The following CYP26A1 variants were observed in gnomAD, a reference collection of about 807,000 sequenced individuals.
CYP26A1 encodes cytochrome P450 26A1.
A neutral mutation model predicts 47.4 loss-of-function variants in CYP26A1; 46 were observed. The ratio of observed to expected loss-of-function variants is 0.97; its 90% CI spans 0.77 to 1.24. The LOEUF (loss-of-function observed/expected upper bound fraction) is 1.24, where lower values mean the gene tolerates loss of function less well. Among genes scored for constraint, CYP26A1 ranks in the 50% most tolerant of loss-of-function variants. The probability of loss-of-function intolerance (pLI) is 0.00; values close to 1 mark genes in which losing one functional copy is unlikely to be tolerated. For synonymous variants in CYP26A1, 277 were observed against 263.7 expected (o/e 1.05, Z -0.49); for missense variants, 680 against 644.4 (o/e 1.06, Z -0.60).
chr10:93,074,533 G>A lies in CYP26A1; in HGVS notation c.414+1G>A, dbSNP rs535892041. 1 of 1,578,796 alleles carries A rather than the reference G, an allele frequency of 6.3e-7. No individual in the cohort carries two copies. The highest frequency in any genetic ancestry group is 2.2e-5 in the East Asian group (1 of 44,664). On this transcript the variant is annotated splice_donor_variant, in intron 2 of 6. Transcript: ENST00000224356. LOFTEE classifies it high-confidence loss of function. The surrounding 1 kb of genome is among the most constrained non-coding windows in gnomAD (Gnocchi z 5.3). ...CTCCTCGCACAAGCAGCGCAAGAAG[G>A]TGGGGGCAGGAGGCGACGGCTGGAC...
At chr10:93,076,272 C>T in intron 5 of CYP26A1, 1 of 303,770 alleles carries the variant, frequency 3.3e-6, no homozygotes, top group East Asian at 6.8e-5. Context: ...GTGTGAATAG[C>T]TGATTAGTGT....
At chr10:93,073,709 G>A, upstream of CYP26A1, 1 of 533,084 alleles carries the variant, frequency 1.9e-6, no homozygotes, top group Non-Finnish European at 3.3e-6. Context: ...AGCCGCCACC[G>A]CGCCGCCTCT....
chr10:93,077,447 T>A lies in CYP26A1; in HGVS notation c.*143T>A, dbSNP rs1328881656. 4.9e-6 allele frequency: 2 copies of A among 408,356 alleles called. No individual in the cohort carries two copies. Among genetic ancestry groups the A allele is most frequent in the African/African-American group, 4.1e-5 (2 of 48,774 alleles). The allele number at this position is 408,356 out of a possible 1,614,324, so 25.3% of individuals were successfully genotyped here. Reference sequence around the variant, plus strand: ...ACTATACTACCACAATCTTTAAATATTAAAATAATGAATTTGTATCATTTC... The same window carrying A: ...ACTATACTACCACAATCTTTAAATAATAAAATAATGAATTTGTATCATTTC... On this transcript the variant is annotated 3_prime_UTR_variant, in exon 7 of 7. Transcript: ENST00000224356.
In CYP26A1 at chr10:93,076,051, C is replaced by A. The variant is rs1177709325; in HGVS notation, c.999+91C>A. On this transcript the variant is annotated intron_variant, in intron 5 of 6. Coordinates refer to ENST00000224356, the MANE Select transcript of CYP26A1 (RefSeq NM_000783.4). ...TCCGAATAAGTCAGTGTGCTGCCTT[C>A]ATGGAGTATTTTGAAAGTGCAGGGC... 7.9e-6 allele frequency: 8 copies of A among 1,015,264 alleles called. No individual in the cohort carries two copies. In the East Asian group the frequency reaches 1.7e-4, roughly 21 times the overall value. The allele number at this position is 1,015,264 out of a possible 1,614,324, so 62.9% of individuals were successfully genotyped here.
At position 93,074,795 on chromosome 10, in the gene CYP26A1, T is replaced by C; in HGVS notation, c.431T>C (p.Phe144Ser). ...GGGACTCAGGTGATTATGCGGGCCT[T>C]CAGCCGCGAGGCACTCGAATGCTAC... ...KQRKKVIMRA[F>S]SREALECYVP... The change falls in exon 3 of 7, where the codon TTC becomes TCC. Residue 144 changes from phenylalanine to serine, a missense_variant. By Grantham distance (155) the Phe-to-Ser change is radical (BLOSUM62 -2). Transcript: ENST00000224356. The surrounding 1 kb of genome is among the most constrained non-coding windows in gnomAD (Gnocchi z 5.3). 1 of 1,605,608 alleles carries C rather than the reference T, an allele frequency of 6.2e-7. No homozygotes were observed. The highest frequency in any genetic ancestry group is 8.5e-7 in the Non-Finnish European group (1 of 1,179,474).
In CYP26A1 at chr10:93,076,813, T is replaced by A. The variant is rs558963052; in HGVS notation, c.1152+117T>A. The A allele has an allele frequency of 3.3e-4, 315 of 951,714 alleles. 2 individuals carry two copies. In the South Asian group the frequency reaches 4.6e-3, roughly 14 times the overall value. The allele number at this position is 951,714 out of a possible 1,614,324, so 59.0% of individuals were successfully genotyped here. On this transcript the variant is annotated intron_variant, in intron 6 of 6. Coordinates refer to ENST00000224356, the MANE Select transcript of CYP26A1 (RefSeq NM_000783.4). Reference sequence around the variant, plus strand: ...ATAATTGTTCTGCCCTATATGGAGATATGTTTCAGCAACCTGGATCCACCT... The same window carrying A: ...ATAATTGTTCTGCCCTATATGGAGAAATGTTTCAGCAACCTGGATCCACCT...
rs933110858 is a variant in CYP26A1 at position 93,077,673 on chromosome 10, C to A, written c.*369C>A. The A allele has an allele frequency of 1.3e-5, 2 of 155,122 alleles. No homozygotes were observed. Among genetic ancestry groups the A allele is most frequent in the Non-Finnish European group, 2.8e-5 (2 of 70,258 alleles). The allele number at this position is 155,122 out of a possible 1,614,324, so 9.6% of individuals were successfully genotyped here. On this transcript the variant is annotated 3_prime_UTR_variant, in exon 7 of 7. Coordinates refer to ENST00000224356, the MANE Select transcript of CYP26A1 (RefSeq NM_000783.4). ...TTAACAGTTATTAGAAAATATATGTCTGTGTGTGTTATTCCAGACGTATCT... is the reference window on the plus strand; with the variant it reads ...TTAACAGTTATTAGAAAATATATGTATGTGTGTGTTATTCCAGACGTATCT...
rs1846991555 is a variant in CYP26A1, at chr10:93,077,333, A to G, written c.*29A>G. 2.2e-6 allele frequency: 3 copies of G among 1,337,834 alleles called. No individual in the cohort carries two copies. The highest frequency in any genetic ancestry group is 3.0e-6 in the Non-Finnish European group (3 of 984,520). 82.9% of individuals were successfully genotyped at this position (1,337,834 alleles called of 1,614,324 possible). On this transcript the variant is annotated 3_prime_UTR_variant, in exon 7 of 7. Coordinates refer to ENST00000224356, the MANE Select transcript of CYP26A1 (RefSeq NM_000783.4). ...GCTTGAATGTTCAAACCTGAGACTT[A>G]TTGGAAGTGTACATATGAGTTTTTA...
chr10:93,074,902 GA>G lies in CYP26A1; in HGVS notation c.539del (p.Glu180GlyfsTer2). The G allele has an allele frequency of 6.2e-7, 1 of 1,613,192 alleles. No individual in the cohort carries two copies. The highest frequency in any genetic ancestry group is 8.5e-7 in the Non-Finnish European group (1 of 1,180,034). On this transcript the variant is annotated frameshift_variant, in exon 3 of 7. Transcript: ENST00000224356. LOFTEE classifies it high-confidence loss of function. The surrounding 1 kb of genome is among the most constrained non-coding windows in gnomAD (Gnocchi z 5.3). Reference sequence around the variant, plus strand: ...CGAGCGCGGCCTCCTGGTCTACCCCGAGGTGAAGCGCCTCATGTTCCGAATC... The same window carrying G: ...CGAGCGCGGCCTCCTGGTCTACCCCGGGTGAAGCGCCTCATGTTCCGAATC... ...CGERGLLVYP[E>X]VKRLMFRIAM...
At chr10:93,076,021 CA>C (rs1362883835) in intron 5 of CYP26A1, 61 bp downstream of exon 5, 1 of 1,365,178 alleles carries the variant, frequency 7.3e-7, no homozygotes, top group African/African-American at 1.4e-5. Flanking sequence ...GCTCCCTAGC[CA>C]ACTTCCGAAT....
rs558776097 is a variant in CYP26A1, at chr10:93,074,178, G to C, written c.189+55G>C. The C allele has an allele frequency of 6.6e-7, 1 of 1,521,092 alleles. No homozygotes were observed. Among genetic ancestry groups the C allele is most frequent in the Non-Finnish European group, 8.8e-7 (1 of 1,132,822 alleles). 94.2% of individuals were successfully genotyped at this position (1,521,092 alleles called of 1,614,324 possible). The stretch of plus-strand genomic sequence containing the variant: ...TTCCCCGGAGCCCGGCGCGGCTCTG[G>C]GCTTCTGCTGAAGTCGGGGTAGGCG... On this transcript the variant is annotated intron_variant, in intron 1 of 6. Coordinates refer to ENST00000224356, the MANE Select transcript of CYP26A1 (RefSeq NM_000783.4). The surrounding 1 kb of genome is among the most constrained non-coding windows in gnomAD (Gnocchi z 5.3).
rs151313962 is a variant in CYP26A1 at position 93,074,006 on chromosome 10, G to T, written c.72G>T (p.Ala24=). 3.1e-6 allele frequency: 5 copies of T among 1,594,396 alleles called. No homozygotes were observed. The highest frequency in any genetic ancestry group is 2.7e-5 in the African/African-American group (2 of 74,530). Residue 24 remains alanine (A), a synonymous_variant, in exon 1 of 7, where the codon GCG becomes GCT. Coordinates refer to ENST00000224356, the MANE Select transcript of CYP26A1 (RefSeq NM_000783.4). The surrounding 1 kb of genome is among the most constrained non-coding windows in gnomAD (Gnocchi z 5.3). The part of the protein sequence containing the change: ...FVLPLLLFLA[A]IKLWDLYCVS... ...TGCCGCTGCTGCTCTTCCTGGCTGC[G>T]ATCAAGCTCTGGGACCTGTACTGCG...
rs1331749296 is a variant in CYP26A1 at position 93,074,654 on chromosome 10, A to T, written c.414+122A>T. On this transcript the variant is annotated intron_variant, in intron 2 of 6. Coordinates refer to ENST00000224356, the MANE Select transcript of CYP26A1 (RefSeq NM_000783.4). The surrounding 1 kb of genome is among the most constrained non-coding windows in gnomAD (Gnocchi z 5.3). ...TGGGCTAGGACCCTCTGCCAGCTCC[A>T]GGTTAGCTTTCCCAGCTCGGAGAGT... The T allele has an allele frequency of 9.3e-7, 1 of 1,072,746 alleles. No homozygotes were observed. The allele number at this position is 1,072,746 out of a possible 1,614,324, so 66.5% of individuals were successfully genotyped here.
chr10:93,074,007 A>C lies in CYP26A1; in HGVS notation c.73A>C (p.Ile25Leu), dbSNP rs1846931696. 11 of 1,596,358 alleles carry C rather than the reference A, an allele frequency of 6.9e-6. No individual in the cohort carries two copies. The highest frequency in any genetic ancestry group is 9.4e-6 in the Non-Finnish European group (11 of 1,165,128). ...VLPLLLFLAA[I>L]KLWDLYCVSG... ...GCCGCTGCTGCTCTTCCTGGCTGCG[A>C]TCAAGCTCTGGGACCTGTACTGCGT... is the stretch of plus-strand genomic sequence containing the variant. The change falls in exon 1 of 7, where the codon ATC becomes CTC. Residue 25 changes from isoleucine (I) to leucine (L), a missense_variant. Transcript: ENST00000224356. The surrounding 1 kb of genome is among the most constrained non-coding windows in gnomAD (Gnocchi z 5.3).
intron 5 of CYP26A1, 128 bp from the exon 6 acceptor site, chr10:93,076,416 C>A: frequency 1.6e-6 from 1 of 639,078 alleles, no homozygotes; most frequent in Non-Finnish European, 2.8e-6. Context: ...CTGCTGTTTC[C>A]CCCTCCCAGT....
chr10:93,074,674 G>T lies in CYP26A1; in HGVS notation c.415-105G>T. ...GCTCCAGGTTAGCTTTCCCAGCTCG[G>T]AGAGTGCCATGTGTCTGGCAGGACT... On this transcript the variant is annotated intron_variant, in intron 2 of 6. Coordinates refer to ENST00000224356, the MANE Select transcript of CYP26A1 (RefSeq NM_000783.4). This position sits in a 1 kb window ranked among gnomAD's most constrained non-coding sequence, Gnocchi z 5.3. 1.7e-6 allele frequency: 2 copies of T among 1,150,064 alleles called. No individual in the cohort carries two copies. The highest frequency in any genetic ancestry group is 2.4e-5 in the East Asian group (1 of 42,266). 71.2% of individuals were successfully genotyped at this position (1,150,064 alleles called of 1,614,324 possible).
Position 93,074,463 on chromosome 10 carries a change from G to T in CYP26A1, c.345G>T (p.Ser115=), listed in dbSNP as rs1306513416. 6.2e-7 allele frequency: 1 copy of T among 1,612,242 alleles called. No individual in the cohort carries two copies. Among genetic ancestry groups the T allele is most frequent in the Non-Finnish European group, 8.5e-7 (1 of 1,179,114 alleles). ...TGGTGTCGGTCCACTGGCCAGCGTC[G>T]GTGCGCACCATTCTGGGATCTGGCT... The part of the protein sequence containing the change: ...HRLVSVHWPA[S]VRTILGSGCL... The change falls in exon 2 of 7, where the codon TCG becomes TCT. Residue 115 remains serine (S), a synonymous_variant. Transcript: ENST00000224356. This position sits in a 1 kb window ranked among gnomAD's most constrained non-coding sequence, Gnocchi z 5.3.
rs940824550 is a variant in CYP26A1, at chr10:93,075,040, A to G, written c.676A>G (p.Ile226Val). Residue 226 changes from isoleucine to valine, a missense_variant, in exon 3 of 7, where the codon ATC becomes GTC. By Grantham distance (29) the Ile-to-Val change is conservative. Transcript: ENST00000224356. The stretch of plus-strand genomic sequence containing the variant: ...GACCCGCAATCTCTTCTCGCTGCCC[A>G]TCGACGTGCCCTTCAGCGGGCTGTA... The part of the protein sequence containing the change: ...EMTRNLFSLP[I>V]DVPFSGLYRG... 2.5e-6 allele frequency: 4 copies of G among 1,613,034 alleles called. No homozygotes were observed. The highest frequency in any genetic ancestry group is 3.4e-6 in the Non-Finnish European group (4 of 1,179,994).
At chr10:93,075,449 G>A in intron 4 of CYP26A1, 142 bp downstream of exon 4, 3 of 763,664 alleles carry the variant, frequency 3.9e-6, no homozygotes, top group Non-Finnish European at 6.2e-6. Flanking sequence ...ATGGAATCCC[G>A]AAGGAAGGCT....
Sources: gnomAD v4.1 joint callset for allele counts on GRCh38, gnomAD v4.1.1 for gene constraint, Gnocchi (gnomAD v3.1) non-coding constraint, MANE v1.5 for transcripts, NCBI Gene and HGNC (gene_info 2026-07-23, HGNC 2026-07-21) for gene names.